TMEM114: variants seen among roughly 807,000 people sequenced by gnomAD.
TMEM114 encodes the protein claudin-26.
A neutral mutation model predicts 6.2 loss-of-function variants in TMEM114; 6 were observed. The ratio of observed to expected loss-of-function variants is 0.97; its 90% CI spans 0.53 to 1.91. The LOEUF (loss-of-function observed/expected upper bound fraction) is 1.91, where lower values mean the gene tolerates loss of function less well. Ranked by LOEUF, TMEM114 falls within the 40% of genes most tolerant of loss-of-function variation. The pLI, the probability that TMEM114 is intolerant of heterozygous loss-of-function variation, is 0.01. For missense variants in TMEM114, 218 were observed against 158.3 expected, an observed-to-expected ratio of 1.38 and a Z score of -2.02; for synonymous variants, 104 against 73.0, an observed-to-expected ratio of 1.42 and a Z score of -2.16.
chr16:8,539,140 GC>G (rs2141647000), intron 2 of TMEM114, among the ~76,000 whole-genome samples: 1 of 152,210 alleles, frequency 6.6e-6, no homozygotes, highest in African/African-American at 2.4e-5. Flanking sequence ...TCTGGGCATT[GC>G]CATGGAACAT....
At chr16:8,550,446 C>G (rs1596471060) in intron 2 of TMEM114, among the ~76,000 whole-genome samples, 1 of 151,452 alleles carries the variant, frequency 6.6e-6, no homozygotes, top group Non-Finnish European at 1.5e-5. Context: ...TTTGGGAGGC[C>G]AAGGCGGGCG....
chr16:8,566,558 A>G (rs957638173), downstream of TMEM114, among the ~76,000 whole-genome samples: 2 of 152,234 alleles, frequency 1.3e-5, no homozygotes, highest in Admixed American at 6.5e-5. Flanking sequence ...TCAGGATAGA[A>G]CAGAACAGAA....
intron 2 of TMEM114, among the ~76,000 whole-genome samples, chr16:8,554,486 A>G (rs1900945542): frequency 6.6e-6 from 1 of 152,138 alleles, no homozygotes; most frequent in Admixed American, 6.6e-5. Flanking sequence ...TAGCCCCTTC[A>G]TAGCACTTAT....
intron 3 of TMEM114, among the ~76,000 whole-genome samples, 159 bp from the exon 4 acceptor site, chr16:8,570,164 T>C (rs1901684595): frequency 6.6e-6 from 1 of 152,100 alleles, no homozygotes; most frequent in Non-Finnish European, 1.5e-5. Flanking sequence ...GCTGGGTGCA[T>C]TCACCCCTGC....
At chr16:8,554,955 C>T (rs922964928) in intron 2 of TMEM114, among the ~76,000 whole-genome samples, 2 of 152,166 alleles carry the variant, frequency 1.3e-5, no homozygotes, top group Non-Finnish European at 2.9e-5. Flanking sequence ...CTGCAGACCC[C>T]CAGAAGTAAA....
intron 2 of TMEM114, among the ~76,000 whole-genome samples, chr16:8,579,651 T>C (rs899276727): frequency 1.3e-5 from 2 of 152,102 alleles, no homozygotes; most frequent in South Asian, 2.1e-4. Flanking sequence ...CACCTGTCAA[T>C]TGGACTCTGA....
chr16:8,554,573 TTC>T (rs1409110553), intron 2 of TMEM114, among the ~76,000 whole-genome samples: 1 of 152,196 alleles, frequency 6.6e-6, no homozygotes, highest in African/African-American at 2.4e-5. Flanking sequence ...TTGGCTCTGC[TTC>T]TCTTTCGCTC....
intron 2 of TMEM114, among the ~76,000 whole-genome samples, chr16:8,556,665 C>T (rs753531891): frequency 1.3e-5 from 2 of 152,046 alleles, no homozygotes; most frequent in Non-Finnish European, 2.9e-5. Flanking sequence ...TCACACATGG[C>T]TAATTTTTTG....
intron 2 of TMEM114, among the ~76,000 whole-genome samples, chr16:8,581,186 G>A (rs868263651): frequency 1.3e-5 from 2 of 152,128 alleles, no homozygotes; most frequent in African/African-American, 2.4e-5. Flanking sequence ...ATGACATCCT[G>A]CTGCCCATAA....
At chr16:8,573,824 C>G (rs545540538) in intron 2 of TMEM114, among the ~76,000 whole-genome samples, 1 of 152,296 alleles carries the variant, frequency 6.6e-6, no homozygotes, top group East Asian at 1.9e-4. Context: ...GCATTTATTA[C>G]CTAGTGTTGA....
the TMEM114 span, among the ~76,000 whole-genome samples, chr16:8,532,219 C>A: frequency 1.3e-5 from 2 of 152,120 alleles, no homozygotes. Flanking sequence ...GAACCCAGAT[C>A]CTAGTATTGA....
chr16:8,560,435 A>G (rs995160303), intron 2 of TMEM114, among the ~76,000 whole-genome samples: 11 of 152,200 alleles, frequency 7.2e-5, no homozygotes, highest in African/African-American at 2.4e-4. Context: ...TGGAATCTCT[A>G]AAGTGCTTGG....
At chr16:8,559,649 C>G (rs1426833981) in intron 2 of TMEM114, among the ~76,000 whole-genome samples, 2 of 152,206 alleles carry the variant, frequency 1.3e-5, no homozygotes, top group Non-Finnish European at 2.9e-5. Context: ...TTAAAAGAAG[C>G]ATTTCATTGA....
intron 2 of TMEM114, among the ~76,000 whole-genome samples, chr16:8,561,095 T>C (rs1180814060): frequency 6.6e-6 from 1 of 152,146 alleles, no homozygotes. Flanking sequence ...GATTCGATTA[T>C]CTCGCACAGG....
At chr16:8,534,601 T>A (rs989636241), downstream of TMEM114, among the ~76,000 whole-genome samples, 1 of 152,170 alleles carries the variant, frequency 6.6e-6, no homozygotes, top group Admixed American at 6.5e-5. Flanking sequence ...TCAGATGGGA[T>A]AACACACACA....
intron 2 of TMEM114, among the ~76,000 whole-genome samples, chr16:8,585,108 G>A (rs917004518): frequency 7.9e-5 from 12 of 152,108 alleles, no homozygotes; most frequent in African/African-American, 2.9e-4. Flanking sequence ...ATGGCGGCAG[G>A]CAGGAGGGTT....
intron 3 of TMEM114, among the ~76,000 whole-genome samples, chr16:8,571,705 A>G (rs1334683099): frequency 6.7e-6 from 1 of 149,216 alleles, no homozygotes; most frequent in Non-Finnish European, 1.5e-5. Context: ...CCCGTTTTTT[A>G]GTCGATCAAA....
chr16:8,556,911 G>A (rs548150228), intron 2 of TMEM114, among the ~76,000 whole-genome samples: 25 of 152,254 alleles, frequency 1.6e-4, no homozygotes, highest in South Asian at 6.2e-4. Flanking sequence ...GTGGCCTTCC[G>A]TAATGTGGCC....
intron 2 of TMEM114, among the ~76,000 whole-genome samples, chr16:8,579,923 T>A (rs929416906): frequency 6.6e-6 from 1 of 151,578 alleles, no homozygotes; most frequent in East Asian, 1.9e-4. Flanking sequence ...CCTTCCTGAG[T>A]GGGGAGAGGT....
Sources: allele counts gnomAD v4.1 joint callset (sites outside exome capture counted in the v4.1 genomes callset), GRCh38; gene constraint gnomAD v4.1.1; transcripts MANE v1.5; gene names NCBI Gene and HGNC (gene_info 2026-07-23, HGNC 2026-07-21).